NTNG2: variants seen among roughly 807,000 people sequenced by gnomAD.
The protein encoded by NTNG2 is netrin-G2.
A neutral mutation model predicts 47.6 loss-of-function variants in NTNG2; 15 were observed. That is an observed-to-expected ratio of 0.32 (90% confidence interval 0.21 to 0.49). NTNG2 has a LOEUF of 0.49. Among genes scored for constraint, NTNG2 ranks in the 20% least tolerant of loss-of-function variants. The pLI, the probability that NTNG2 is intolerant of heterozygous loss-of-function variation, is 0.99. For missense variants in NTNG2, 578 were observed against 764.6 expected, an observed-to-expected ratio of 0.76 and a Z score of 2.88; for synonymous variants, 307 against 324.6, an observed-to-expected ratio of 0.95 and a Z score of 0.58.
intron 2 of NTNG2, among the ~76,000 whole-genome samples, chr9:132,171,070 G>A (rs569728581): frequency 1.2e-4 from 19 of 152,292 alleles, no homozygotes; most frequent in Non-Finnish European, 2.6e-4. Context: ...GCTGGGAGCC[G>A]AGATTCCCAG....
chr9:132,203,187 C>T (rs141624215), intron 3 of NTNG2, among the ~76,000 whole-genome samples: 2,346 of 152,014 alleles, frequency 0.015, 27 homozygotes, highest in Middle Eastern at 0.037. Flanking sequence ...ACACAACTTA[C>T]GTGGAAGCCA....
chr9:132,172,377 G>A (rs1261322853), intron 2 of NTNG2, among the ~76,000 whole-genome samples: 1 of 152,168 alleles, frequency 6.6e-6, no homozygotes, highest in East Asian at 1.9e-4. Flanking sequence ...AGAATCCCGT[G>A]CTGTGTGATC....
At chr9:132,176,311 G>A (rs756306554) in intron 2 of NTNG2, among the ~76,000 whole-genome samples, 10 of 151,858 alleles carry the variant, frequency 6.6e-5, no homozygotes, top group Non-Finnish European at 1.3e-4. Flanking sequence ...CGTTTCCATC[G>A]CCCCAATAGA....
At chr9:132,196,494 G>A (rs1329717207) in intron 2 of NTNG2, among the ~76,000 whole-genome samples, 1 of 152,014 alleles carries the variant, frequency 6.6e-6, no homozygotes, top group African/African-American at 2.4e-5. Context: ...GCCCAGCCTG[G>A]GTCTATGGGT....
Position 132,199,076 on chromosome 9 carries a change from G to A in NTNG2, c.857+467G>A, listed in dbSNP as rs144579919. Among the ~76,000 whole-genome samples the A allele has an allele frequency of 5.3e-5, 8 of 152,256 alleles. 1 individual carries two copies. Among genetic ancestry groups the A allele is most frequent in the African/African-American group, 1.9e-4 (8 of 41,518 alleles). On this transcript the variant is annotated intron_variant, in intron 3 of 7. Coordinates refer to ENST00000393229, the MANE Select transcript of NTNG2 (RefSeq NM_032536.4). ...TACATCATAGGGACTGCCTAGGATG[G>A]CTGGGGCTGCACAGACCCAATGCCT...
At chr9:132,181,402 C>A (rs1272349250) in intron 2 of NTNG2, among the ~76,000 whole-genome samples, 1 of 151,360 alleles carries the variant, frequency 6.6e-6, no homozygotes, top group Non-Finnish European at 1.5e-5. Context: ...CTCACTGCAA[C>A]CTCCACCTCC....
Position 132,215,058 on chromosome 9 carries a change from T to C in NTNG2, c.858-11791T>C, listed in dbSNP as rs1427676354. On this transcript the variant is annotated intron_variant, in intron 3 of 7. Coordinates refer to ENST00000393229, the MANE Select transcript of NTNG2 (RefSeq NM_032536.4). The surrounding 1 kb of genome is among the most constrained non-coding windows in gnomAD (Gnocchi z 4.2). ...TGCCCTGATAAATTTTGTGTTTTTT[T>C]TAATTTTTTTGTAGAGATTGGGGGG... 8.6e-6 allele frequency among the ~76,000 whole-genome samples: 1 copy of C among 115,938 alleles called. No homozygotes were observed. Among genetic ancestry groups the C allele is most frequent in the Non-Finnish European group, 1.8e-5 (1 of 56,790 alleles). 76.1% of individuals were successfully genotyped at this position (115,938 alleles called of 152,430 possible). A position where few individuals can be genotyped will look rare whatever the true frequency, so the allele number is the denominator to read the frequency against.
chr9:132,164,703 G>A lies in NTNG2; in HGVS notation c.-483-1646G>A, dbSNP rs753604897. 1.4e-4 allele frequency among the ~76,000 whole-genome samples: 22 copies of A among 152,376 alleles called. No homozygotes were observed. In the South Asian group the frequency reaches 1.4e-3, roughly 10 times the overall value. The stretch of plus-strand genomic sequence containing the variant: ...TCAAGGCCAGGCAGGCTCTGTAACA[G>A]GTTCCCCTTTAAACAGCCAGAGGTG... On this transcript the variant is annotated intron_variant, in intron 1 of 7. Transcript: ENST00000393229.
chr9:132,210,599 G>A (rs1054525110), intron 3 of NTNG2, among the ~76,000 whole-genome samples: 2 of 152,204 alleles, frequency 1.3e-5, no homozygotes, highest in African/African-American at 4.8e-5. Context: ...CTCCCTCTGG[G>A]TCTGTGGCCA....
At chr9:132,195,207 G>A (rs1838189798) in intron 2 of NTNG2, among the ~76,000 whole-genome samples, 1 of 151,854 alleles carries the variant, frequency 6.6e-6, no homozygotes, top group Non-Finnish European at 1.5e-5. Context: ...AAAACCCCAT[G>A]CCACCCTCCC....
At position 132,231,899 on chromosome 9, in the gene NTNG2, G is replaced by T. The variant is rs1841256468; in HGVS notation, c.1054+1304G>T. 6.4e-6 allele frequency: 1 copy of T among 155,596 alleles called. No individual in the cohort carries two copies. The highest frequency in any genetic ancestry group is 6.2e-5 in the Admixed American group (1 of 16,068). 9.6% of individuals were successfully genotyped at this position (155,596 alleles called of 1,614,324 possible). ...TCGGCAGCCCTGGGCAGAGAGCAGG[G>T]GCTTGGCTCTTAGAATAGAGACGCT... On this transcript the variant is annotated intron_variant, in intron 5 of 7. Transcript: ENST00000393229. This position sits in a 1 kb window ranked among gnomAD's most constrained non-coding sequence, Gnocchi z 4.1.
chr9:132,178,974 A>C (rs1836711913), intron 2 of NTNG2, among the ~76,000 whole-genome samples: 1 of 144,304 alleles, frequency 6.9e-6, no homozygotes, highest in Non-Finnish European at 1.5e-5. Flanking sequence ...AAAAAAAAAA[A>C]AAAAAAAACT....
At chr9:132,217,188 T>C (rs907350888) in intron 3 of NTNG2, among the ~76,000 whole-genome samples, 4 of 152,250 alleles carry the variant, frequency 2.6e-5, no homozygotes, top group African/African-American at 9.6e-5. Flanking sequence ...CGAGGATTTG[T>C]TTAATAATGC....
chr9:132,240,154 C>T (rs1841889090), intron 6 of NTNG2, among the ~76,000 whole-genome samples: 2 of 152,286 alleles, frequency 1.3e-5, no homozygotes, highest in Admixed American at 1.3e-4. Context: ...GCAGGAGGCT[C>T]TGGCTGCCCA....
At chr9:132,189,403 A>T (rs566800960) in intron 2 of NTNG2, among the ~76,000 whole-genome samples, 4 of 132,340 alleles carry the variant, frequency 3.0e-5, no homozygotes, top group African/African-American at 1.2e-4. Context: ...GAGAAGTACG[A>T]TTGGCTTAAA....
chr9:132,212,563 G>T (rs567520959), intron 3 of NTNG2, among the ~76,000 whole-genome samples: 2 of 152,210 alleles, frequency 1.3e-5, no homozygotes, highest in South Asian at 2.1e-4. Flanking sequence ...GCCAGGCTGC[G>T]CCAGGCGACC....
intron 2 of NTNG2, among the ~76,000 whole-genome samples, chr9:132,191,762 C>A (rs931974632): frequency 1.3e-5 from 2 of 152,052 alleles, no homozygotes; most frequent in African/African-American, 4.8e-5. Context: ...TTAGTAGAGA[C>A]GGGGTTTCAC....
intron 2 of NTNG2, among the ~76,000 whole-genome samples, chr9:132,170,712 A>G (rs944057517): frequency 1.3e-5 from 2 of 150,640 alleles, no homozygotes; most frequent in Non-Finnish European, 1.5e-5. Flanking sequence ...CGAGCAGGTG[A>G]GAGAGAGAGA....
chr9:132,216,426 GTA>G (rs538060816), intron 3 of NTNG2, among the ~76,000 whole-genome samples: 2,427 of 34,692 alleles, frequency 0.07, 153 homozygotes, highest in African/African-American at 0.22. Context: ...GTGTGTGTGT[GTA>G]TGTGTGTGTG....
Sources: gnomAD v4.1 joint callset for allele counts (sites outside exome capture counted in the v4.1 genomes callset) on GRCh38, gnomAD v4.1.1 for gene constraint, Gnocchi (gnomAD v3.1) non-coding constraint, MANE v1.5 for transcripts, NCBI Gene and HGNC (gene_info 2026-07-23, HGNC 2026-07-21) for gene names.